DOCK11: variants seen among roughly 807,000 people sequenced by gnomAD.
DOCK11 encodes dedicator of cytokinesis protein 11.
In DOCK11, 70 loss-of-function variants were observed where a neutral mutation model predicts 169.1. That is an observed-to-expected ratio of 0.41 (90% confidence interval 0.34 to 0.51). DOCK11 has a LOEUF of 0.51. DOCK11 is among the 20% of genes least tolerant of loss of function. The pLI, the probability that DOCK11 is intolerant of heterozygous loss-of-function variation, is 0.10. For missense variants in DOCK11, 1,166 were observed against 1,538.8 expected (o/e 0.76, Z 4.05); for synonymous variants, 529 against 541.3 (o/e 0.98, Z 0.32).
chrX:118,598,062 T>C lies in DOCK11; in HGVS notation c.2418T>C (p.Gly806=). Residue 806 remains glycine (G), a synonymous_variant, in exon 22 of 53, where the codon GGT becomes GGC. Coordinates refer to ENST00000276202, the MANE Select transcript of DOCK11 (RefSeq NM_144658.4). The stretch of plus-strand genomic sequence containing the variant: ...ACGTGGATATTAAATGGGTAGATGG[T>C]GCAAAGCCTTTGTTGAAGATTAAAA... ...QCNVDIKWVD[G]AKPLLKIKSH... is the part of the protein sequence containing the mutation. 1 of 1,199,532 alleles carries C rather than the reference T, an allele frequency of 8.3e-7. No individual in the cohort carries two copies.
chrX:118,516,892 T>C lies in DOCK11; in HGVS notation c.102+20819T>C, dbSNP rs1414489125. 1.3e-4 allele frequency among the ~76,000 whole-genome samples: 15 copies of C among 111,747 alleles called. No homozygotes were observed. The Admixed American group carries it at 1.4e-3, about 11-fold the overall frequency. On this transcript the variant is annotated intron_variant, in intron 1 of 52. Coordinates refer to ENST00000276202, the MANE Select transcript of DOCK11 (RefSeq NM_144658.4). ...TTCTTCATCTGTAAAATGTAGATAA[T>C]GATAGTACTGACCTCAGAGGCTTGT...
chrX:118,566,759 A>G, intron 9 of DOCK11, 106 bp downstream of exon 9: 1 of 735,102 alleles, frequency 1.4e-6, no homozygotes, highest in Non-Finnish European at 2.0e-6. Context: ...CACGTTAAAA[A>G]CCACAGCAAA....
At chrX:118,671,911 T>G (rs1209360196) in intron 46 of DOCK11, among the ~76,000 whole-genome samples, 1 of 112,657 alleles carries the variant, frequency 8.9e-6, no homozygotes, top group Non-Finnish European at 1.9e-5. Context: ...ACTCTTGACC[T>G]CAAGTGATCC....
intron 11 of DOCK11, among the ~76,000 whole-genome samples, chrX:118,573,078 G>A (rs2013330711): frequency 8.9e-6 from 1 of 112,386 alleles, no homozygotes; most frequent in South Asian, 3.6e-4. Context: ...GATCATTTGA[G>A]TTGCTTAGAA....
intron 31 of DOCK11, among the ~76,000 whole-genome samples, chrX:118,619,586 A>T (rs1201156257): frequency 9.2e-6 from 1 of 108,309 alleles, no homozygotes; most frequent in Non-Finnish European, 1.9e-5. Context: ...CTGCTTCATG[A>T]TTAAGAATTT....
chrX:118,648,207 T>TTATAATATTATATAATAA (rs1569441333), intron 40 of DOCK11, among the ~76,000 whole-genome samples: 1 of 53,734 alleles, frequency 1.9e-5, no homozygotes, highest in East Asian at 4.1e-4. Context: ...ATATATAATA[T>TTATAATATTATATAATAA]TATAATATTA....
intron 1 of DOCK11, among the ~76,000 whole-genome samples, chrX:118,537,749 T>C (rs1307713282): frequency 8.9e-6 from 1 of 112,211 alleles, no homozygotes; most frequent in East Asian, 2.8e-4. Flanking sequence ...AAAGTCTAAG[T>C]GGTGATGCTA....
At chrX:118,662,418 T>C (rs1396407899) in intron 44 of DOCK11, among the ~76,000 whole-genome samples, 1 of 112,323 alleles carries the variant, frequency 8.9e-6, no homozygotes, top group African/African-American at 3.2e-5. Context: ...TAGGTAAACA[T>C]CTATCCTAGC....
At chrX:118,502,696 G>A (rs2057582991) in intron 1 of DOCK11, among the ~76,000 whole-genome samples, 1 of 111,369 alleles carries the variant, frequency 9.0e-6, no homozygotes. Context: ...GAATAACGAA[G>A]GTAACATATG....
chrX:118,612,345 A>T (rs2014704612), intron 28 of DOCK11, among the ~76,000 whole-genome samples: 1 of 112,357 alleles, frequency 8.9e-6, no homozygotes, highest in African/African-American at 3.2e-5. Flanking sequence ...AAAAAAGCCA[A>T]CATCCACATA....
chrX:118,518,975 A>C, intron 1 of DOCK11, among the ~76,000 whole-genome samples: 1 of 110,586 alleles, frequency 9.0e-6, no homozygotes, highest in East Asian at 2.8e-4. Flanking sequence ...GATCTATGAA[A>C]TTTTTTTTTG....
At chrX:118,549,807 TC>T (rs897186656) in intron 6 of DOCK11, among the ~76,000 whole-genome samples, 2 of 111,084 alleles carry the variant, frequency 1.8e-5, no homozygotes, top group African/African-American at 6.6e-5. Flanking sequence ...ACTCAAGTGA[TC>T]CTCCCACCTT....
intron 31 of DOCK11, among the ~76,000 whole-genome samples, chrX:118,622,700 G>A (rs143545026): frequency 1.7e-3 from 194 of 111,775 alleles, no homozygotes; most frequent in Non-Finnish European, 2.1e-3. Context: ...TTTTACCAAA[G>A]AGAAAACTGT....
chrX:118,513,011 A>G (rs1264419087), intron 1 of DOCK11, among the ~76,000 whole-genome samples: 2 of 111,168 alleles, frequency 1.8e-5, no homozygotes, highest in Non-Finnish European at 3.8e-5. Context: ...ATTTTCCTCA[A>G]CTGCTGCTCC....
chrX:118,619,990 G>T (rs2014931096), intron 31 of DOCK11, among the ~76,000 whole-genome samples: 1 of 109,924 alleles, frequency 9.1e-6, no homozygotes, highest in Admixed American at 9.7e-5. Flanking sequence ...GCTAATTTTT[G>T]TATTTTTAGT....
intron 8 of DOCK11, 102 bp downstream of exon 8, chrX:118,566,284 G>A (rs1387104179): frequency 1.3e-6 from 1 of 795,235 alleles, no homozygotes; most frequent in African/African-American, 2.1e-5. Context: ...AATCTTAAAA[G>A]TTGACCTGCT....
chrX:118,584,403 C>T (rs957716816), intron 14 of DOCK11, among the ~76,000 whole-genome samples: 1 of 107,840 alleles, frequency 9.3e-6, no homozygotes, highest in East Asian at 2.8e-4. Flanking sequence ...TATCCCATTG[C>T]GTGAATATAC....
chrX:118,549,708 C>T (rs752219562), intron 6 of DOCK11, among the ~76,000 whole-genome samples: 3 of 105,823 alleles, frequency 2.8e-5, no homozygotes, highest in African/African-American at 3.8e-5. Flanking sequence ...CACATAGCAC[C>T]GTGCCCAGCT....
chrX:118,620,424 C>T (rs1426054521), intron 31 of DOCK11, among the ~76,000 whole-genome samples: 1 of 112,055 alleles, frequency 8.9e-6, no homozygotes, highest in African/African-American at 3.2e-5. Flanking sequence ...CTGCCAGTGA[C>T]ATCTGCTCAC....
Sources: gnomAD v4.1 joint callset for allele counts (sites outside exome capture counted in the v4.1 genomes callset) on GRCh38, gnomAD v4.1.1 for gene constraint, MANE v1.5 for transcripts, NCBI Gene and HGNC (gene_info 2026-07-23, HGNC 2026-07-21) for gene names.